CASP9: variants seen among roughly 807,000 people sequenced by gnomAD.
CASP9 encodes the protein caspase 9.
A neutral mutation model predicts 43.5 loss-of-function variants in CASP9; 29 were observed. That is an observed-to-expected ratio of 0.67 (90% CI 0.50 to 0.91). CASP9 has a LOEUF of 0.91. Among genes scored for constraint, CASP9 ranks in the 40% least tolerant of loss-of-function variants. CASP9 has a pLI of 0.00. For synonymous variants in CASP9, 206 were observed against 211.9 expected, an observed-to-expected ratio of 0.97 and a Z score of 0.24; for missense variants, 575 against 537.4, an observed-to-expected ratio of 1.07 and a Z score of -0.69.
At chr1:15,497,532 A>T (rs1047318466) in intron 6 of CASP9, among the ~76,000 whole-genome samples, 3 of 151,792 alleles carry the variant, frequency 2.0e-5, no homozygotes, top group African/African-American at 7.3e-5. Context: ...AATCCCAGCT[A>T]CTCAGGAGGC....
At chr1:15,515,917 A>G (rs1401852819) in intron 2 of CASP9, among the ~76,000 whole-genome samples, 1 of 151,944 alleles carries the variant, frequency 6.6e-6, no homozygotes, top group African/African-American at 2.4e-5. Context: ...TTGGCCAGGC[A>G]TGGGCTGGGA....
At chr1:15,495,858 C>G (rs896115967) in intron 6 of CASP9, among the ~76,000 whole-genome samples, 1 of 152,208 alleles carries the variant, frequency 6.6e-6, no homozygotes, top group Non-Finnish European at 1.5e-5. Context: ...TCTTTGTTAT[C>G]TTACGTAAAA....
At chr1:15,509,063 C>T (rs1277977008) in intron 2 of CASP9, among the ~76,000 whole-genome samples, 2 of 152,214 alleles carry the variant, frequency 1.3e-5, no homozygotes, top group Non-Finnish European at 2.9e-5. Context: ...TCTTTGTGCC[C>T]TTTGTAAATC....
chr1:15,517,786 C>T (rs1243696291), intron 2 of CASP9, among the ~76,000 whole-genome samples: 1 of 152,002 alleles, frequency 6.6e-6, no homozygotes, highest in Non-Finnish European at 1.5e-5. Context: ...CCCACCCAGA[C>T]TGAAAGGCAA....
chr1:15,515,569 G>A (rs191762178), intron 2 of CASP9, among the ~76,000 whole-genome samples: 21 of 152,284 alleles, frequency 1.4e-4, no homozygotes, highest in African/African-American at 4.8e-4. Context: ...ATTCAGAACA[G>A]GAACTGCTGC....
At chr1:15,513,200 G>C (rs569845827) in intron 2 of CASP9, among the ~76,000 whole-genome samples, 4 of 148,726 alleles carry the variant, frequency 2.7e-5, no homozygotes, top group Non-Finnish European at 5.9e-5. Flanking sequence ...TCTCTTTCTT[G>C]TCTGTGTATA....
At position 15,495,249 on chromosome 1, in the gene CASP9, G is replaced by A. The variant is rs758795060; in HGVS notation, c.1048+24C>T. On this transcript the variant is annotated intron_variant, in intron 7 of 8. Transcript: ENST00000333868. ...GACGGGAAGACCCACTGGCTGCGAGGACGAGCCCTTCTGATGTGCTCACCT... is the reference window on the plus strand; with the variant it reads ...GACGGGAAGACCCACTGGCTGCGAGAACGAGCCCTTCTGATGTGCTCACCT... 5.6e-6 allele frequency: 9 copies of A among 1,598,930 alleles called. No homozygotes were observed. In the South Asian group the frequency reaches 5.7e-5, roughly 10 times the overall value.
Position 15,492,640 on chromosome 1 carries a change from T to G in CASP9, c.*303A>C. 2.4e-6 allele frequency: 1 copy of G among 410,740 alleles called. No individual in the cohort carries two copies. Among genetic ancestry groups the G allele is most frequent in the Non-Finnish European group, 4.4e-6 (1 of 225,938 alleles). 25.4% of individuals were successfully genotyped at this position (410,740 alleles called of 1,614,324 possible). On this transcript the variant is annotated 3_prime_UTR_variant, in exon 9 of 9. Transcript: ENST00000333868. ...GCCCCACATGTCAGTAGTGCAGAGG[T>G]TAATCCCTGCTCTAGAGACAACACA... is the stretch of plus-strand genomic sequence containing the variant.
At chr1:15,497,309 T>TAAA (rs200717519) in intron 6 of CASP9, among the ~76,000 whole-genome samples, 1 of 101,770 alleles carries the variant, frequency 9.8e-6, no homozygotes, top group South Asian at 3.1e-4. Flanking sequence ...GGACTCCATC[T>TAAA]AAAAAAAAAA....
chr1:15,523,353 G>A (rs918565442), intron 1 of CASP9, among the ~76,000 whole-genome samples: 1 of 152,214 alleles, frequency 6.6e-6, no homozygotes, highest in Non-Finnish European at 1.5e-5. Context: ...AGAAACTGTG[G>A]CTCAAAGAGG....
chr1:15,504,680 A>T lies in CASP9; in HGVS notation c.799T>A (p.Phe267Ile). The change falls in exon 6 of 9, where the codon TTC (phenylalanine) becomes ATC (isoleucine). Residue 267 changes from phenylalanine (F) to isoleucine (I), a missense_variant. Phe to Ile is a conservative substitution (Grantham distance 21). Transcript: ENST00000333868. ...AGGCTGGGGCAGCTGGTCCCATTGA[A>T]GATGTTCACAATCTTCTCGACCGAC... is the stretch of plus-strand genomic sequence containing the variant. ...PVSVEKIVNI[F>I]NGTSCPSLGG... 2 of 1,614,186 alleles carry T rather than the reference A, an allele frequency of 1.2e-6. No individual in the cohort carries two copies. The highest frequency in any genetic ancestry group is 1.7e-6 in the Non-Finnish European group (2 of 1,180,024).
chr1:15,505,140 C>G (rs1480108936), intron 5 of CASP9, among the ~76,000 whole-genome samples: 2 of 152,106 alleles, frequency 1.3e-5, no homozygotes, highest in Non-Finnish European at 2.9e-5. Context: ...CCAGGCCCCT[C>G]TGACTGAGGC....
At position 15,491,483 on chromosome 1, in the gene CASP9, C is replaced by T. The variant is rs1358844358; in HGVS notation, c.*1460G>A. The T allele has an allele frequency of 1.8e-5, 16 of 872,686 alleles. No individual in the cohort carries two copies. The Middle Eastern group carries it at 8.0e-4, about 44-fold the overall frequency. The allele number at this position is 872,686 out of a possible 1,614,324, so 54.1% of individuals were successfully genotyped here. A position where few individuals can be genotyped will look rare whatever the true frequency, so the allele number is the denominator to read the frequency against. On this transcript the variant is annotated 3_prime_UTR_variant, in exon 9 of 9. Transcript: ENST00000333868. Reference sequence around the variant, plus strand: ...CCCTAAGAACCAGAAATAGGTCAGGCGCAATGGCTCAAGCCTGTAACCCCT... The same window carrying T: ...CCCTAAGAACCAGAAATAGGTCAGGTGCAATGGCTCAAGCCTGTAACCCCT...
chr1:15,509,991 C>T (rs981871593), intron 2 of CASP9, among the ~76,000 whole-genome samples: 5 of 152,090 alleles, frequency 3.3e-5, no homozygotes, highest in Non-Finnish European at 5.9e-5. Flanking sequence ...AGTGCAGTGG[C>T]GCGATCTTGC....
chr1:15,511,729 G>A (rs1709763546), intron 2 of CASP9, among the ~76,000 whole-genome samples: 1 of 152,162 alleles, frequency 6.6e-6, no homozygotes, highest in East Asian at 1.9e-4. Context: ...ATCAATGCCT[G>A]AGAATGTTTA....
chr1:15,524,110 T>C lies in CASP9; in HGVS notation c.91A>G (p.Ser31Gly). 1 of 1,540,390 alleles carries C rather than the reference T, an allele frequency of 6.5e-7. No individual in the cohort carries two copies. ...QVDQLWDALLSRELFRPHMIE... is the reference protein window; with the variant it reads ...QVDQLWDALLGRELFRPHMIE... ...ATATGGGGCCTGAACAGCTCGCGGC[T>C]CAGCAGGGCGTCCCAGAGCTGGTCC... Residue 31 changes from serine (S) to glycine (G), a missense_variant, in exon 1 of 9, where the codon AGC (serine) becomes GGC (glycine). Transcript: ENST00000333868.
chr1:15,502,904 T>C (rs538785593), intron 6 of CASP9, among the ~76,000 whole-genome samples: 4 of 152,316 alleles, frequency 2.6e-5, no homozygotes, highest in South Asian at 4.1e-4. Context: ...GCAGGGTTTC[T>C]ACAGCCCCGA....
rs59242130 is a variant in CASP9 at position 15,497,771 on chromosome 1, A to G, written c.869-2319T>C. 3.7e-3 allele frequency among the ~76,000 whole-genome samples: 565 copies of G among 152,340 alleles called. 5 individuals carry two copies. The highest frequency in any genetic ancestry group is 0.023 in the East Asian group (117 of 5,188). On this transcript the variant is annotated intron_variant, in intron 6 of 8. Coordinates refer to ENST00000333868, the MANE Select transcript of CASP9 (RefSeq NM_001229.5). ...TGTAATCCCTATCAAAACCCCAATGATGTTTTTTGCAGAAATAGAAAATCT... is the reference window on the plus strand; with the variant it reads ...TGTAATCCCTATCAAAACCCCAATGGTGTTTTTTGCAGAAATAGAAAATCT...
intron 2 of CASP9, among the ~76,000 whole-genome samples, chr1:15,512,741 T>C (rs1472904112): frequency 6.6e-6 from 1 of 152,208 alleles, no homozygotes; most frequent in Non-Finnish European, 1.5e-5. Flanking sequence ...TGTGTGTATA[T>C]GTATATATAT....
Sources: allele counts gnomAD v4.1 joint callset (sites outside exome capture counted in the v4.1 genomes callset), GRCh38; gene constraint gnomAD v4.1.1; transcripts MANE v1.5; gene names NCBI Gene and HGNC (gene_info 2026-07-23, HGNC 2026-07-21).